CAPZA2: variants seen among roughly 807,000 people sequenced by gnomAD.
CAPZA2 encodes the protein capping actin protein of muscle Z-line subunit alpha 2.
CAPZA2 carries 13 observed loss-of-function variants against 44.0 expected under a neutral mutation model. The ratio of observed to expected loss-of-function variants is 0.30; its 90% CI spans 0.19 to 0.47. CAPZA2 has a LOEUF of 0.47. Among genes scored for constraint, CAPZA2 ranks in the 20% least tolerant of loss-of-function variants. The probability of loss-of-function intolerance (pLI) is 1.00; values close to 1 mark genes in which losing one functional copy is unlikely to be tolerated. For synonymous variants in CAPZA2, 94 were observed against 108.2 expected, an observed-to-expected ratio of 0.87 and a Z score of 0.81; for missense variants, 244 against 338.6, an observed-to-expected ratio of 0.72 and a Z score of 2.19.
chr7:116,873,961 T>G (rs1796586953), intron 1 of CAPZA2: 1 of 152,992 alleles, frequency 6.5e-6, no homozygotes, highest in African/African-American at 2.4e-5. Context: ...CCCTTTGTTC[T>G]CTTTCCCTGA....
intron 1 of CAPZA2, among the ~76,000 whole-genome samples, chr7:116,866,159 T>G (rs1562955439): frequency 6.6e-6 from 1 of 152,150 alleles, no homozygotes; most frequent in Non-Finnish European, 1.5e-5. Context: ...TTTAAAGCTC[T>G]TAACTTGCTA....
chr7:116,879,552 T>A (rs1796664533), intron 1 of CAPZA2, among the ~76,000 whole-genome samples: 1 of 152,106 alleles, frequency 6.6e-6, no homozygotes, highest in East Asian at 1.9e-4. Flanking sequence ...TAGATTCTCA[T>A]AAGGAGTGCA....
intron 8 of CAPZA2, among the ~76,000 whole-genome samples, chr7:116,913,769 A>ATTTTTTTTTT (rs10717939): frequency 3.4e-5 from 3 of 87,710 alleles, no homozygotes; most frequent in African/African-American, 4.5e-5. Context: ...CACCCAGCTA[A>ATTTTTTTTTT]TTTTTTTTTT....
intron 4 of CAPZA2, 122 bp from the exon 5 acceptor site, chr7:116,904,055 T>C (rs895528114): frequency 1.3e-5 from 8 of 636,708 alleles, no homozygotes; most frequent in African/African-American, 5.5e-5. Flanking sequence ...GGTTAAAATA[T>C]ATGCTTGGAG....
chr7:116,908,031 TAGG>T (rs1791540222), intron 6 of CAPZA2, among the ~76,000 whole-genome samples: 1 of 151,150 alleles, frequency 6.6e-6, no homozygotes, highest in African/African-American at 2.4e-5. Flanking sequence ...GAGACCAAGG[TAGG>T]AGGATGGCCA....
At chr7:116,900,977 A>G (rs1049009248) in intron 4 of CAPZA2, among the ~76,000 whole-genome samples, 2 of 152,082 alleles carry the variant, frequency 1.3e-5, no homozygotes, top group African/African-American at 2.4e-5. Flanking sequence ...TTTCAAACCA[A>G]TCAGAATGGC....
At chr7:116,878,262 T>A (rs1454725210) in intron 1 of CAPZA2, among the ~76,000 whole-genome samples, 1 of 152,204 alleles carries the variant, frequency 6.6e-6, no homozygotes, top group Non-Finnish European at 1.5e-5. Flanking sequence ...CCTAGAGATT[T>A]ATTTTGTTCC....
intron 2 of CAPZA2, among the ~76,000 whole-genome samples, chr7:116,890,437 A>G (rs553900695): frequency 4.7e-5 from 7 of 148,382 alleles, no homozygotes; most frequent in Middle Eastern, 3.5e-3. Context: ...TTGGGAGGCC[A>G]AGCCCGGTGG....
Position 116,889,321 on chromosome 7 carries a change from A to G in CAPZA2, c.103+1131A>G, listed in dbSNP as rs117774090. 1.8e-3 allele frequency among the ~76,000 whole-genome samples: 271 copies of G among 152,376 alleles called. 1 individual carries two copies. The highest frequency in any genetic ancestry group is 5.9e-3 in the African/African-American group (247 of 41,594). On this transcript the variant is annotated intron_variant, in intron 2 of 9. Coordinates refer to ENST00000361183, the MANE Select transcript of CAPZA2 (RefSeq NM_006136.3). ...ATACATTTGAACTTCACCGTGTCTT[A>G]AAAGTGAATTTACACAGAGCTCTTC...
intron 3 of CAPZA2, among the ~76,000 whole-genome samples, chr7:116,896,939 G>T (rs1796935495): frequency 1.3e-5 from 2 of 151,988 alleles, no homozygotes; most frequent in African/African-American, 4.8e-5. Flanking sequence ...AGCAAAATTT[G>T]GATATTATCA....
chr7:116,891,678 GT>G (rs1302481684), intron 2 of CAPZA2, among the ~76,000 whole-genome samples: 2 of 151,918 alleles, frequency 1.3e-5, no homozygotes, highest in Non-Finnish European at 2.9e-5. Context: ...CGCCCGGCTA[GT>G]TTTTTGTATT....
chr7:116,867,756 G>C (rs1176974270), intron 1 of CAPZA2, among the ~76,000 whole-genome samples: 1 of 151,942 alleles, frequency 6.6e-6, no homozygotes, highest in Non-Finnish European at 1.5e-5. Flanking sequence ...GCTAATTTTT[G>C]TGTTTTTAGT....
chr7:116,883,683 C>CAACA (rs1796726617), intron 1 of CAPZA2, among the ~76,000 whole-genome samples: 1 of 152,128 alleles, frequency 6.6e-6, no homozygotes, highest in African/African-American at 2.4e-5. Flanking sequence ...TTTAGTGCAA[C>CAACA]AGCAAGGGCA....
At chr7:116,896,843 G>C (rs1343200947) in intron 3 of CAPZA2, among the ~76,000 whole-genome samples, 2 of 152,038 alleles carry the variant, frequency 1.3e-5, no homozygotes, top group East Asian at 3.9e-4. Flanking sequence ...ATGACCTGAA[G>C]ACACTTGAAT....
chr7:116,917,231 T>C lies in CAPZA2; in HGVS notation c.721-496T>C, dbSNP rs1016792816. ...ATTCAAAATTATTATAGGCTTTTTC[T>C]TCTAGCTGCTTTTATTTTATTTATT... On this transcript the variant is annotated intron_variant, in intron 9 of 9. Coordinates refer to ENST00000361183, the MANE Select transcript of CAPZA2 (RefSeq NM_006136.3). Among the ~76,000 whole-genome samples the C allele has an allele frequency of 2.6e-5, 4 of 152,254 alleles. No homozygotes were observed. In the South Asian group the frequency reaches 8.3e-4, roughly 32 times the overall value.
chr7:116,880,888 T>A (rs1474209860), intron 1 of CAPZA2, among the ~76,000 whole-genome samples: 1 of 151,100 alleles, frequency 6.6e-6, no homozygotes, highest in Admixed American at 6.6e-5. Flanking sequence ...TTGTATTTTT[T>A]AGTAGAGACA....
intron 8 of CAPZA2, chr7:116,915,410 G>T (rs1791667137): frequency 6.6e-6 from 1 of 151,990 alleles, no homozygotes; most frequent in South Asian, 2.1e-4. Flanking sequence ...ATGCCAGTTT[G>T]TGCTCGTTTT....
rs562891311 is a variant in CAPZA2 at position 116,884,044 on chromosome 7, A to G, written c.40-4083A>G. ...CTTCCTAACAACTCCTTCTCTCAATAGGAAGGGGATGGGGCAGAAAGGGGA... is the reference window on the plus strand; with the variant it reads ...CTTCCTAACAACTCCTTCTCTCAATGGGAAGGGGATGGGGCAGAAAGGGGA... On this transcript the variant is annotated intron_variant, in intron 1 of 9. Transcript: ENST00000361183. Among the ~76,000 whole-genome samples the G allele has an allele frequency of 5.1e-4, 78 of 152,260 alleles. 4 individuals are homozygous for G. In the South Asian group the frequency reaches 0.015, roughly 30 times the overall value.
intron 8 of CAPZA2, among the ~76,000 whole-genome samples, chr7:116,912,631 A>G (rs187783455): frequency 6.6e-6 from 1 of 152,286 alleles, no homozygotes; most frequent in African/African-American, 2.4e-5. Flanking sequence ...CATGTTCAAC[A>G]TTCATCCTTT....
Sources: gnomAD v4.1 joint callset for allele counts (sites outside exome capture counted in the v4.1 genomes callset) on GRCh38, gnomAD v4.1.1 for gene constraint, MANE v1.5 for transcripts, NCBI Gene and HGNC (gene_info 2026-07-23, HGNC 2026-07-21) for gene names.